The following THOP1 variants were observed in gnomAD, a reference collection of about 807,000 sequenced individuals.
THOP1 encodes the protein thimet oligopeptidase 1.
In THOP1, 49 loss-of-function variants were observed where a neutral mutation model predicts 71.8. The ratio of observed to expected loss-of-function variants is 0.68; its 90% confidence interval spans 0.54 to 0.87. The LOEUF is 0.87. Among genes scored for constraint, THOP1 ranks in the 40% least tolerant of loss-of-function variants. THOP1 has a pLI of 0.00. For missense variants in THOP1, 843 were observed against 975.6 expected (o/e 0.86, Z 1.81); for synonymous variants, 426 against 421.5 (o/e 1.01, Z -0.13).
intron 1 of THOP1, chr19:2,786,983 C>T (rs1488976483): frequency 6.6e-6 from 1 of 151,456 alleles, no homozygotes; most frequent in East Asian, 2.0e-4. Context: ...TCTCCATCTC[C>T]TGACCTCGTG....
intron 4 of THOP1, among the ~76,000 whole-genome samples, chr19:2,797,989 C>T (rs76813259): frequency 7.9e-5 from 12 of 152,146 alleles, no homozygotes; most frequent in Admixed American, 7.2e-4. Context: ...TCAGCTCAGC[C>T]GCAGCGGACA....
intron 4 of THOP1, among the ~76,000 whole-genome samples, chr19:2,798,034 A>G (rs118117617): frequency 0.012 from 1,840 of 151,952 alleles, 13 homozygotes; most frequent in Middle Eastern, 0.027. Flanking sequence ...TTATGCATTT[A>G]TTTATTTATT....
At chr19:2,800,838 G>A (rs927730223) in intron 5 of THOP1, among the ~76,000 whole-genome samples, 10 of 151,830 alleles carry the variant, frequency 6.6e-5, no homozygotes, top group East Asian at 3.9e-4. Context: ...AGCCACCCAC[G>A]CCATCCCGCG....
intron 2 of THOP1, among the ~76,000 whole-genome samples, chr19:2,792,267 C>T (rs146063016): frequency 0.019 from 2,824 of 152,338 alleles, 41 homozygotes; most frequent in Middle Eastern, 0.037. Context: ...CTCTGTCACC[C>T]AGGCTGCTGT....
At chr19:2,794,320 TTA>T (rs1915958471) in intron 2 of THOP1, among the ~76,000 whole-genome samples, 1 of 152,182 alleles carries the variant, frequency 6.6e-6, no homozygotes, top group Non-Finnish European at 1.5e-5. Flanking sequence ...GGCCTAAAGC[TTA>T]TGCTTTTCTA....
chr19:2,809,993 G>A (rs1040363349), intron 9 of THOP1: 3 of 443,494 alleles, frequency 6.8e-6, no homozygotes, highest in Admixed American at 4.0e-5. Context: ...CCGTCCCCAG[G>A]TCCCAACCCC....
chr19:2,792,526 G>A (rs1356170413), intron 2 of THOP1, among the ~76,000 whole-genome samples: 7 of 132,512 alleles, frequency 5.3e-5, no homozygotes, highest in East Asian at 4.8e-4. Flanking sequence ...CAAACATACC[G>A]AGGCCTGGGG....
chr19:2,790,604 C>A lies in THOP1; in HGVS notation c.200C>A (p.Ala67Glu). The A allele has an allele frequency of 1.3e-6, 2 of 1,583,498 alleles. No individual in the cohort carries two copies. Among genetic ancestry groups the A allele is most frequent in the South Asian group, 1.2e-5 (1 of 85,774 alleles). Residue 67 changes from alanine to glutamate, a missense_variant, in exon 2 of 13, where the codon GCG becomes GAG. Transcript: ENST00000307741. Reference sequence around the variant, plus strand: ...GTGTCCTACGAGAGCACGCTCAAGGCGCTGGCCGATGTGGAGGTCACCTAC... The same window carrying A: ...GTGTCCTACGAGAGCACGCTCAAGGAGCTGGCCGATGTGGAGGTCACCTAC... ...EDVSYESTLK[A>E]LADVEVTYTV...
chr19:2,796,534 G>A (rs1916018496), intron 4 of THOP1, among the ~76,000 whole-genome samples: 1 of 151,226 alleles, frequency 6.6e-6, no homozygotes, highest in African/African-American at 2.4e-5. Context: ...CTGGGTGGGG[G>A]GAGTGCTCGG....
At chr19:2,791,613 G>A (rs894572876) in intron 2 of THOP1, among the ~76,000 whole-genome samples, 3 of 152,162 alleles carry the variant, frequency 2.0e-5, no homozygotes, top group Non-Finnish European at 4.4e-5. Context: ...GTATGACCTC[G>A]GTTTCCCCTC....
At chr19:2,788,412 C>T (rs1915801243) in intron 1 of THOP1, among the ~76,000 whole-genome samples, 1 of 152,210 alleles carries the variant, frequency 6.6e-6, no homozygotes. Context: ...TCCAGGGCTC[C>T]ACCTTGCACT....
intron 9 of THOP1, chr19:2,810,016 G>C (rs1916415163): frequency 2.0e-6 from 1 of 489,810 alleles, no homozygotes. Context: ...GGGGTGCGGA[G>C]CTTTCAGGGA....
intron 1 of THOP1, among the ~76,000 whole-genome samples, chr19:2,789,494 G>A (rs1915828337): frequency 1.3e-5 from 2 of 152,224 alleles, no homozygotes; most frequent in Admixed American, 1.3e-4. Flanking sequence ...TGTGGGTCTG[G>A]CACGACCACA....
chr19:2,811,641 C>G lies in THOP1; in HGVS notation c.1815C>G (p.Tyr605Ter). The G allele has an allele frequency of 6.2e-7, 1 of 1,613,384 alleles. No homozygotes were observed. Among genetic ancestry groups the G allele is most frequent in the Non-Finnish European group, 8.5e-7 (1 of 1,179,926 alleles). The change falls in exon 12 of 13, where the codon TAC (tyrosine) becomes TAG (stop). Residue 605 changes from tyrosine (Y) to a stop codon, truncating the protein, a stop_gained. Coordinates refer to ENST00000307741, the MANE Select transcript of THOP1 (RefSeq NM_003249.5). LOFTEE classifies it high-confidence loss of function. ...CCTTCGGCCATCTGGCAGGTGGCTACGACGCCCAGTACTACGGGTACCTGT... is the reference window on the plus strand; with the variant it reads ...CCTTCGGCCATCTGGCAGGTGGCTAGGACGCCCAGTACTACGGGTACCTGT... ...PATFGHLAGG[Y>*]DAQYYGYLWS...
chr19:2,792,843 T>C (rs1915918514), intron 2 of THOP1, among the ~76,000 whole-genome samples: 1 of 151,972 alleles, frequency 6.6e-6, no homozygotes, highest in African/African-American at 2.4e-5. Context: ...AACTGCTCCA[T>C]TGAGATATGA....
rs1463308827 is a variant in THOP1 at position 2,801,279 on chromosome 19, C to T, written c.589+1488C>T. Among the ~76,000 whole-genome samples, 1 of 152,220 alleles carries T rather than the reference C, an allele frequency of 6.6e-6. No individual in the cohort carries two copies. Among genetic ancestry groups the T allele is most frequent in the African/African-American group, 2.4e-5 (1 of 41,456 alleles). ...TGGTTCTGCACAGACTCTGCTGGCT[C>T]ATGTGGGTTCCAGCCGGTTTCAGCC... On this transcript the variant is annotated intron_variant, in intron 5 of 12. Transcript: ENST00000307741. This position sits in a 1 kb window ranked among gnomAD's most constrained non-coding sequence, Gnocchi z 5.1.
chr19:2,811,612 G>A lies in THOP1; in HGVS notation c.1786G>A (p.Ala596Thr), dbSNP rs765756614. The change falls in exon 12 of 13, where the codon GCA becomes ACA. Residue 596 changes from alanine to threonine, a missense_variant. Ala to Thr is a moderately conservative substitution (Grantham distance 58). Transcript: ENST00000307741. ...GTCCGCCCCAGGAACCAACATGCCT[G>A]CAACCTTCGGCCATCTGGCAGGTGG... ...VPATPGTNMPATFGHLAGGYD... is the reference protein window; with the variant it reads ...VPATPGTNMPTTFGHLAGGYD... 2 of 1,613,018 alleles carry A rather than the reference G, an allele frequency of 1.2e-6. No homozygotes were observed. The highest frequency in any genetic ancestry group is 1.7e-5 in the Admixed American group (1 of 59,990).
intron 1 of THOP1, 31 bp from the exon 2 acceptor site, chr19:2,790,390 C>T (rs964576129): frequency 1.2e-5 from 18 of 1,494,170 alleles, no homozygotes; most frequent in Non-Finnish European, 1.6e-5. Context: ...GAAAGCAGAC[C>T]CGCCCGGCAC....
intron 11 of THOP1, among the ~76,000 whole-genome samples, chr19:2,811,022 C>T (rs1916449624): frequency 6.6e-6 from 1 of 152,224 alleles, no homozygotes; most frequent in Non-Finnish European, 1.5e-5. Flanking sequence ...TTGAATGAAG[C>T]TGGCGTTTTC....
Sources: gnomAD v4.1 joint callset for allele counts (sites outside exome capture counted in the v4.1 genomes callset) on GRCh38, gnomAD v4.1.1 for gene constraint, Gnocchi (gnomAD v3.1) non-coding constraint, MANE v1.5 for transcripts, NCBI Gene and HGNC (gene_info 2026-07-23, HGNC 2026-07-21) for gene names.